The following CCDC7 variants were observed in gnomAD, a reference collection of about 807,000 sequenced individuals.
The protein encoded by CCDC7 is coiled-coil domain containing 7.
In CCDC7, 183 loss-of-function variants were observed where a neutral mutation model predicts 196.9. The ratio of observed to expected loss-of-function variants is 0.93; its 90% CI spans 0.82 to 1.05. The LOEUF (loss-of-function observed/expected upper bound fraction) is 1.05, where lower values mean the gene tolerates loss of function less well. CCDC7 is among the 50% of genes least tolerant of loss of function. CCDC7 has a pLI of 0.00. For missense variants in CCDC7, 1,540 were observed against 1,482.2 expected (o/e 1.04, Z -0.64); for synonymous variants, 525 against 484.6 (o/e 1.08, Z -1.10).
intron 2 of CCDC7, 34 bp from the exon 4 acceptor site, chr10:32,456,217 A>G (rs746612707): frequency 2.0e-6 from 3 of 1,480,858 alleles, no homozygotes; most frequent in Non-Finnish European, 1.8e-6. Context: ...GGATTCTTAA[A>G]TGTAACTTTA....
At chr10:32,445,145 G>A (rs554071644), upstream of CCDC7, among the ~76,000 whole-genome samples, 4 of 152,210 alleles carry the variant, frequency 2.6e-5, no homozygotes, top group South Asian at 8.3e-4. Context: ...GAGCCACCAC[G>A]CCCAGCCTGC....
intron 29 of CCDC7, among the ~76,000 whole-genome samples, chr10:32,787,229 C>T (rs1322880702): frequency 6.6e-6 from 1 of 151,866 alleles, no homozygotes; most frequent in Non-Finnish European, 1.5e-5. Context: ...GTAGAATAAA[C>T]TCAGAGATCC....
At chr10:32,544,409 T>C in intron 13 of CCDC7, 108 bp downstream of exon 14, 1 of 1,047,748 alleles carries the variant, frequency 9.5e-7, no homozygotes, top group Non-Finnish European at 1.3e-6. Context: ...TATATGTCTG[T>C]GTGTGTGTAT....
chr10:32,483,737 GT>G (rs1413822078), intron 8 of CCDC7, among the ~76,000 whole-genome samples: 1 of 152,084 alleles, frequency 6.6e-6, no homozygotes, highest in Non-Finnish European at 1.5e-5. Flanking sequence ...TTCCAGCACC[GT>G]TTATTAACTA....
At chr10:32,874,733 T>TAC (rs1049889345) in intron 41 of CCDC7, among the ~76,000 whole-genome samples, 2 of 140,308 alleles carry the variant, frequency 1.4e-5, no homozygotes, top group Admixed American at 7.6e-5. Flanking sequence ...TTTATATATA[T>TAC]ACACACACAC....
chr10:32,657,210 T>C (rs1054929125), intron 20 of CCDC7, among the ~76,000 whole-genome samples: 1 of 152,180 alleles, frequency 6.6e-6, no homozygotes. Context: ...GGATCTTCCA[T>C]TCTGGGGTCT....
intron 18 of CCDC7, among the ~76,000 whole-genome samples, chr10:32,632,123 TTTTA>T (rs2064950776): frequency 1.3e-5 from 1 of 76,216 alleles, no homozygotes; most frequent in Admixed American, 1.7e-4. Flanking sequence ...TCCAGATACA[TTTTA>T]TTTCTTTTTT....
At chr10:32,458,498 T>TTA (rs71027091) in intron 3 of CCDC7, among the ~76,000 whole-genome samples, 8 of 149,628 alleles carry the variant, frequency 5.3e-5, no homozygotes, top group Non-Finnish European at 1.2e-4. Flanking sequence ...TTTTTTTTTT[T>TTA]AAAGAGACAA....
intron 36 of CCDC7, 55 bp from the exon 38 acceptor site, chr10:32,846,321 C>T: frequency 1.9e-6 from 2 of 1,037,066 alleles, no homozygotes; most frequent in South Asian, 2.8e-5. Context: ...CACGTATACA[C>T]ATGTATGGTA....
chr10:32,828,774 G>T (rs772197598), intron 32 of CCDC7, among the ~76,000 whole-genome samples: 4 of 152,106 alleles, frequency 2.6e-5, no homozygotes, highest in Non-Finnish European at 5.9e-5. Context: ...TTCTCCCATA[G>T]CCAGGATTCA....
At chr10:32,520,235 T>C (rs1279483475) in intron 11 of CCDC7, among the ~76,000 whole-genome samples, 3 of 152,048 alleles carry the variant, frequency 2.0e-5, no homozygotes, top group Non-Finnish European at 4.4e-5. Flanking sequence ...TATATACATA[T>C]CAATAGGATT....
chr10:32,726,943 G>T, intron 26 of CCDC7, 111 bp downstream of exon 27: 1 of 656,668 alleles, frequency 1.5e-6, no homozygotes, highest in East Asian at 3.1e-5. Context: ...TATGGAAATC[G>T]TAGACTTTGC....
intron 24 of CCDC7, among the ~76,000 whole-genome samples, chr10:32,697,040 A>T (rs1031369437): frequency 6.6e-6 from 1 of 152,124 alleles, no homozygotes; most frequent in Non-Finnish European, 1.5e-5. Flanking sequence ...CACTTTATTT[A>T]TATTATTATT....
intron 18 of CCDC7, among the ~76,000 whole-genome samples, chr10:32,591,265 C>A (rs186428022): frequency 4.7e-4 from 71 of 151,868 alleles, no homozygotes; most frequent in Admixed American, 4.3e-3. Context: ...TTTCAAATAG[C>A]CCCTCTTGAA....
At chr10:32,865,155 C>T (rs1037294018) in intron 41 of CCDC7, among the ~76,000 whole-genome samples, 5 of 151,584 alleles carry the variant, frequency 3.3e-5, no homozygotes, top group African/African-American at 9.7e-5. Flanking sequence ...CAAACAAGCA[C>T]GCTATGAATG....
intron 3 of CCDC7, 136 bp downstream of exon 4, chr10:32,456,470 A>G: frequency 1.7e-6 from 1 of 605,156 alleles, no homozygotes; most frequent in Non-Finnish European, 2.4e-6. Context: ...ATTGGAAAAC[A>G]TTATTTATTT....
intron 21 of CCDC7, among the ~76,000 whole-genome samples, chr10:32,667,801 G>A (rs1054954489): frequency 1.1e-4 from 16 of 152,102 alleles, no homozygotes; most frequent in Non-Finnish European, 1.6e-4. Context: ...GTCAGGTAGC[G>A]TGATGCCTCC....
intron 18 of CCDC7, among the ~76,000 whole-genome samples, chr10:32,611,184 CT>C (rs2062089563): frequency 6.6e-6 from 1 of 152,166 alleles, no homozygotes; most frequent in African/African-American, 2.4e-5. Context: ...TGATGATGAG[CT>C]TTTTTTCACT....
chr10:32,766,510 C>G (rs1231717212), intron 28 of CCDC7, among the ~76,000 whole-genome samples: 1 of 152,030 alleles, frequency 6.6e-6, no homozygotes, highest in Non-Finnish European at 1.5e-5. Flanking sequence ...TCGGCAAGTT[C>G]CTATAGGTGA....
Sources: allele counts gnomAD v4.1 joint callset (sites outside exome capture counted in the v4.1 genomes callset), GRCh38; gene constraint gnomAD v4.1.1; transcripts MANE v1.5; gene names NCBI Gene and HGNC (gene_info 2026-07-23, HGNC 2026-07-21).